Variants in COL22A1 observed in about 807,000 individuals in gnomAD.
COL22A1 encodes the protein collagen type XXII alpha 1 chain, also known as collagen alpha-1(XXII) chain.
In COL22A1, 221 loss-of-function variants were observed where a neutral mutation model predicts 248.9. The observed-to-expected ratio is 0.89, with a 90% CI of 0.80 to 0.99. COL22A1 has a LOEUF of 0.99. Ranked by LOEUF, COL22A1 falls within the 50% of genes least tolerant of loss-of-function variation. The pLI, the probability that COL22A1 is intolerant of heterozygous loss-of-function variation, is 0.00. For synonymous variants in COL22A1, 891 were observed against 793.4 expected (o/e 1.12, Z -2.07); for missense variants, 2,240 against 2,179.0 (o/e 1.03, Z -0.56).
chr8:138,744,203 C>T (rs527257157), intron 22 of COL22A1, among the ~76,000 whole-genome samples: 3 of 152,234 alleles, frequency 2.0e-5, no homozygotes, highest in South Asian at 2.1e-4. Context: ...AAAAGGAAAA[C>T]GAATTCAACC....
intron 24 of COL22A1, 151 bp downstream of exon 24, chr8:138,725,236 G>A (rs775248670): frequency 1.7e-5 from 14 of 823,836 alleles, no homozygotes; most frequent in Middle Eastern, 3.2e-4. Context: ...AGAAGCTGGC[G>A]GTTCTACGTG....
At chr8:138,593,881 G>T in intron 63 of COL22A1, 136 bp downstream of exon 63, 1 of 607,940 alleles carries the variant, frequency 1.6e-6, no homozygotes, top group Non-Finnish European at 2.7e-6. Flanking sequence ...ATTATATGAT[G>T]CCAAAACTCT....
At chr8:138,728,052 A>G (rs1260996284) in intron 23 of COL22A1, among the ~76,000 whole-genome samples, 1 of 151,944 alleles carries the variant, frequency 6.6e-6, no homozygotes, top group African/African-American at 2.4e-5. Context: ...TTGTTTTTTG[A>G]GATAGGGTCT....
intron 47 of COL22A1, among the ~76,000 whole-genome samples, chr8:138,637,348 C>T (rs899710127): frequency 6.6e-6 from 1 of 152,146 alleles, no homozygotes; most frequent in Non-Finnish European, 1.5e-5. Context: ...CAGCACCAAA[C>T]GGGAAGCTTT....
At chr8:138,692,306 GTA>G (rs1491206762) in intron 35 of COL22A1, among the ~76,000 whole-genome samples, 39 of 2,446 alleles carry the variant, frequency 0.016, no homozygotes, top group East Asian at 0.022. Flanking sequence ...TTGCGGAGGT[GTA>G]TGTGTGTGCA....
At chr8:138,898,700 C>G (rs1814309965) in intron 1 of COL22A1, among the ~76,000 whole-genome samples, 1 of 152,184 alleles carries the variant, frequency 6.6e-6, no homozygotes, top group African/African-American at 2.4e-5. Flanking sequence ...CATTGCCTAG[C>G]TAACTGCCCA....
chr8:138,802,358 C>A (rs1048173847), intron 11 of COL22A1, among the ~76,000 whole-genome samples: 3 of 151,974 alleles, frequency 2.0e-5, no homozygotes, highest in Non-Finnish European at 4.4e-5. Flanking sequence ...AATCACAGAT[C>A]AGGACACCTG....
In COL22A1 at chr8:138,905,391, C is replaced by T. The variant is rs371596094; in HGVS notation, c.-73+8228G>A. Among the ~76,000 whole-genome samples, 28 of 152,258 alleles carry T rather than the reference C, an allele frequency of 1.8e-4. No homozygotes were observed. The East Asian group carries it at 3.3e-3, about 18-fold the overall frequency. ...CAGAATTCTAAAGTGTTGGAACTTC[C>T]GAGATGCTGGCTGTCTTAGCTGAAG... On this transcript the variant is annotated intron_variant, in intron 1 of 64. Coordinates refer to ENST00000303045, the MANE Select transcript of COL22A1 (RefSeq NM_152888.3).
intron 37 of COL22A1, among the ~76,000 whole-genome samples, chr8:138,688,448 G>A (rs1826540593): frequency 6.6e-6 from 1 of 151,986 alleles, no homozygotes; most frequent in Admixed American, 6.6e-5. Context: ...TTGAACCCGG[G>A]AGGCAGAGGT....
intron 12 of COL22A1, among the ~76,000 whole-genome samples, chr8:138,793,580 C>T (rs114618970): frequency 0.012 from 1,813 of 152,336 alleles, 38 homozygotes; most frequent in African/African-American, 0.041. Context: ...AAAATGTCAA[C>T]CAAGGACACA....
chr8:138,693,690 C>T lies in COL22A1; in HGVS notation c.2710G>A (p.Gly904Arg). 3.2e-6 allele frequency: 5 copies of T among 1,576,126 alleles called. No individual in the cohort carries two copies. The highest frequency in any genetic ancestry group is 4.3e-6 in the Non-Finnish European group (5 of 1,160,410). The change falls in exon 35 of 65, where the codon GGA (glycine) becomes AGA (arginine). Residue 904 changes from glycine to arginine, a missense_variant. Gly to Arg is a moderately radical substitution (Grantham distance 125). Transcript: ENST00000303045. The part of the protein sequence containing the change: ...QGPTGPPGAK[G>R]QEGAHGAPGA... ...GGAGCCCCATGTGCACCTTCCTGTC[C>T]CTTGGCACCCTGCACAGGAAATAAA...
chr8:138,812,077 G>A (rs1586805647), intron 8 of COL22A1, among the ~76,000 whole-genome samples, 156 bp from the exon 9 acceptor site: 1 of 152,208 alleles, frequency 6.6e-6, no homozygotes, highest in Non-Finnish European at 1.5e-5. Flanking sequence ...AGAAAGCCTG[G>A]CCGGCCCAGG....
chr8:138,772,834 C>T (rs185346626), intron 16 of COL22A1, among the ~76,000 whole-genome samples: 2 of 152,260 alleles, frequency 1.3e-5, no homozygotes, highest in Non-Finnish European at 2.9e-5. Context: ...CTGACTCCAG[C>T]CTGGGCAACA....
intron 16 of COL22A1, among the ~76,000 whole-genome samples, chr8:138,774,457 C>T (rs1353866541): frequency 2.1e-5 from 3 of 143,298 alleles, no homozygotes; most frequent in Non-Finnish European, 3.0e-5. Flanking sequence ...CTTGCTCTGT[C>T]GCTCAGGCTG....
At chr8:138,858,443 C>T (rs1034520281) in intron 3 of COL22A1, among the ~76,000 whole-genome samples, 1 of 151,962 alleles carries the variant, frequency 6.6e-6, no homozygotes, top group Non-Finnish European at 1.5e-5. Flanking sequence ...TGCAGTGGTG[C>T]AATCACAGCT....
chr8:138,771,928 A>C (rs1289095911), intron 16 of COL22A1, among the ~76,000 whole-genome samples: 4 of 152,180 alleles, frequency 2.6e-5, no homozygotes, highest in Non-Finnish European at 5.9e-5. Flanking sequence ...CGCAGCCTCC[A>C]GGAAGCGTGG....
At chr8:138,747,075 A>G (rs958577329) in intron 22 of COL22A1, among the ~76,000 whole-genome samples, 1 of 152,244 alleles carries the variant, frequency 6.6e-6, no homozygotes, top group African/African-American at 2.4e-5. Flanking sequence ...TCATAGATTT[A>G]GGTAAAATAA....
chr8:138,667,861 A>T (rs765116850), intron 41 of COL22A1, among the ~76,000 whole-genome samples: 88 of 152,272 alleles, frequency 5.8e-4, no homozygotes, highest in South Asian at 1.2e-3. Flanking sequence ...CCCACCTGTG[A>T]AGTCTTGCCA....
intron 3 of COL22A1, among the ~76,000 whole-genome samples, chr8:138,855,525 C>T (rs548151061): frequency 7.9e-5 from 12 of 152,268 alleles, no homozygotes; most frequent in South Asian, 6.2e-4. Flanking sequence ...TCTTGTGCAT[C>T]GGAGCAGGAG....
Sources: allele counts gnomAD v4.1 joint callset (sites outside exome capture counted in the v4.1 genomes callset), GRCh38; gene constraint gnomAD v4.1.1; transcripts MANE v1.5; gene names NCBI Gene and HGNC (gene_info 2026-07-23, HGNC 2026-07-21).